DOT1L: variants seen among roughly 807,000 people sequenced by gnomAD.
DOT1L encodes the protein histone-lysine N-methyltransferase, H3 lysine-79 specific.
In DOT1L, 33 loss-of-function variants were observed where a neutral mutation model predicts 153.3. That is an observed-to-expected ratio of 0.22 (90% confidence interval 0.16 to 0.29). The LOEUF is 0.29. Ranked by LOEUF, DOT1L falls within the 10% of genes least tolerant of loss-of-function variation. The pLI, the probability that DOT1L is intolerant of heterozygous loss-of-function variation, is 1.00. For synonymous variants in DOT1L, 1,135 were observed against 965.1 expected (o/e 1.18, Z -3.26); for missense variants, 1,847 against 2,119.9 (o/e 0.87, Z 2.53).
rs1599595885 is a variant in DOT1L, at chr19:2,211,936, G to A, written c.1557+94G>A. 7 of 1,224,508 alleles carry A rather than the reference G, an allele frequency of 5.7e-6. No homozygotes were observed. The East Asian group carries it at 1.8e-4, about 32-fold the overall frequency. 75.9% of individuals were successfully genotyped at this position (1,224,508 alleles called of 1,614,324 possible). A position where few individuals can be genotyped will look rare whatever the true frequency, so the allele number is the denominator to read the frequency against. ...TGTCCCCTGTGGCAGAGGCCCTGGA[G>A]CGCAGGCCTGAGTGGGCTCCCTCCT... On this transcript the variant is annotated intron_variant, in intron 16 of 27. Transcript: ENST00000398665.
intron 27 of DOT1L, 121 bp downstream of exon 27, chr19:2,227,248 G>A: frequency 7.8e-7 from 1 of 1,281,056 alleles, no homozygotes; most frequent in Non-Finnish European, 1.1e-6. Context: ...CCTGGTGCCG[G>A]CCGGCCCCCG....
At chr19:2,205,320 C>T (rs527600323) in intron 9 of DOT1L, among the ~76,000 whole-genome samples, 2 of 152,236 alleles carry the variant, frequency 1.3e-5, no homozygotes, top group South Asian at 2.1e-4. Context: ...AAACAGAAGG[C>T]TCTGTTTCTC....
chr19:2,207,592 G>A lies in DOT1L; in HGVS notation c.875G>A (p.Arg292His), dbSNP rs2144814862. The A allele has an allele frequency of 1.2e-6, 2 of 1,611,430 alleles. No individual in the cohort carries two copies. Among genetic ancestry groups the A allele is most frequent in the Non-Finnish European group, 1.7e-6 (2 of 1,179,648 alleles). ...CCTGCAGACATCGGCACCATCATGC[G>A]CGTGGTGGAGCTCTCGCCCCTGAAG... ...RNLSDIGTIM[R>H]VVELSPLKGS... The change falls in exon 11 of 28, where the codon CGC (arginine) becomes CAC (histidine). Residue 292 changes from arginine (R) to histidine (H), a missense_variant. By Grantham distance (29) the Arg-to-His change is conservative (BLOSUM62 0). This residue lies in a region of DOT1L where 148 missense variants were observed against 422.3 expected (regional missense o/e 0.35). Coordinates refer to ENST00000398665, the MANE Select transcript of DOT1L (RefSeq NM_032482.3). This position sits in a 1 kb window ranked among gnomAD's most constrained non-coding sequence, Gnocchi z 4.5.
chr19:2,166,613 G>C (rs1236355509), intron 1 of DOT1L, among the ~76,000 whole-genome samples: 2 of 151,846 alleles, frequency 1.3e-5, no homozygotes, highest in Admixed American at 6.6e-5. Flanking sequence ...GTTTCTTCAT[G>C]TTGGCTAGGC....
chr19:2,221,578 C>T (rs2024115321), intron 23 of DOT1L: 1 of 213,114 alleles, frequency 4.7e-6, no homozygotes, highest in Non-Finnish European at 9.3e-6. Flanking sequence ...GCTGAGTTGT[C>T]TTCTGAGAAC....
At chr19:2,194,036 C>T (rs569639162) in intron 6 of DOT1L, among the ~76,000 whole-genome samples, 2 of 152,350 alleles carry the variant, frequency 1.3e-5, no homozygotes, top group Admixed American at 1.3e-4. Context: ...TTTCATGGCA[C>T]GTGCCACTAG....
chr19:2,228,076 C>G (rs1350060243), intron 27 of DOT1L: 3 of 1,328,952 alleles, frequency 2.3e-6, no homozygotes, highest in Non-Finnish European at 3.0e-6. Context: ...AGCCTCGCGT[C>G]CCTCCCGCCT....
At chr19:2,211,909 T>C in intron 16 of DOT1L, 67 bp downstream of exon 16, 1 of 1,450,142 alleles carries the variant, frequency 6.9e-7, no homozygotes, top group South Asian at 1.3e-5. Context: ...TTCCTGGGCA[T>C]CTGTCCCCTG....
intron 22 of DOT1L, among the ~76,000 whole-genome samples, chr19:2,218,465 C>T (rs943219171): frequency 2.0e-5 from 3 of 151,968 alleles, no homozygotes; most frequent in Non-Finnish European, 4.4e-5. Context: ...GCGATCTCGG[C>T]TCACTGCAAG....
intron 12 of DOT1L, 51 bp downstream of exon 12, chr19:2,209,027 T>C (rs568869375): frequency 6.3e-7 from 1 of 1,592,822 alleles, no homozygotes; most frequent in Admixed American, 1.7e-5. Context: ...TGCACTGATG[T>C]GGGGAAATGC....
rs375011800 is a variant in DOT1L at position 2,199,711 on chromosome 19, C to G, written c.652-173C>G. ...GCCCGTTCTCTGCGCATCCCTCTCACGGACCCTTCTGCCTGCAGCTCCCAG... is the reference window on the plus strand; with the variant it reads ...GCCCGTTCTCTGCGCATCCCTCTCAGGGACCCTTCTGCCTGCAGCTCCCAG... On this transcript the variant is annotated intron_variant, in intron 7 of 27. Coordinates refer to ENST00000398665, the MANE Select transcript of DOT1L (RefSeq NM_032482.3). 3.7e-4 allele frequency among the ~76,000 whole-genome samples: 57 copies of G among 152,246 alleles called. No homozygotes were observed. In the Middle Eastern group the frequency reaches 0.014, roughly 36 times the overall value.
At chr19:2,167,461 C>T (rs926880720) in intron 1 of DOT1L, among the ~76,000 whole-genome samples, 4 of 152,188 alleles carry the variant, frequency 2.6e-5, no homozygotes. Context: ...CGAGAGCTGG[C>T]GGGAGCGGGC....
Position 2,232,086 on chromosome 19 carries a change from A to G in DOT1L, c.*2294A>G, listed in dbSNP as rs2024624088. 4.7e-6 allele frequency: 1 copy of G among 213,452 alleles called. No individual in the cohort carries two copies. Among genetic ancestry groups the G allele is most frequent in the Non-Finnish European group, 9.5e-6 (1 of 105,654 alleles). 13.2% of individuals were successfully genotyped at this position (213,452 alleles called of 1,614,324 possible). A position where few individuals can be genotyped will look rare whatever the true frequency, so the allele number is the denominator to read the frequency against. Reference sequence around the variant, plus strand: ...GGCAGGGTGGCTGTGGAGACTGGGGATCTGGAGCCTGGTGCTGGCACCTGG... The same window carrying G: ...GGCAGGGTGGCTGTGGAGACTGGGGGTCTGGAGCCTGGTGCTGGCACCTGG... On this transcript the variant is annotated 3_prime_UTR_variant, in exon 28 of 28. Transcript: ENST00000398665.
At position 2,193,780 on chromosome 19, in the gene DOT1L, G is replaced by A. The variant is rs778656827; in HGVS notation, c.585G>A (p.Ala195=). The stretch of plus-strand genomic sequence containing the variant: ...AAGCAGACATCCCGGCCAAGTATGC[G>A]GAGGTGAGCGGATCTGAGGGCCAGG... The part of the protein sequence containing the change: ...VEKADIPAKY[A]ETMDREFRKW... The change falls in exon 6 of 28, where the codon GCG becomes GCA. Residue 195 remains alanine, a synonymous_variant. Transcript: ENST00000398665. This position sits in a 1 kb window ranked among gnomAD's most constrained non-coding sequence, Gnocchi z 5.9. 3 of 1,613,674 alleles carry A rather than the reference G, an allele frequency of 1.9e-6. No homozygotes were observed. The highest frequency in any genetic ancestry group is 1.1e-5 in the South Asian group (1 of 91,074).
In DOT1L at chr19:2,216,750, G is replaced by A. The variant is rs978224665; in HGVS notation, c.2393G>A (p.Ser798Asn). ...ACGGTGCCCGGCAGGCCGGCTGCCA[G>A]TGAGCTGCATTCGAGGTGAGTGCCC... is the stretch of plus-strand genomic sequence containing the variant. ...DHTVPGRPAA[S>N]ELHSRAEHTK... Residue 798 changes from serine to asparagine, a missense_variant, in exon 20 of 28, where the codon AGT (serine) becomes AAT (asparagine). Transcript: ENST00000398665. 2.5e-6 allele frequency: 4 copies of A among 1,593,436 alleles called. No individual in the cohort carries two copies. In the African/African-American group the frequency reaches 5.3e-5, roughly 21 times the overall value.
chr19:2,207,254 G>A lies in DOT1L; in HGVS notation c.857-320G>A, dbSNP rs993428619. Among the ~76,000 whole-genome samples the A allele has an allele frequency of 6.6e-6, 1 of 152,212 alleles. No homozygotes were observed. Among genetic ancestry groups the A allele is most frequent in the Non-Finnish European group, 1.5e-5 (1 of 68,022 alleles). Reference sequence around the variant, plus strand: ...TCCCTGAGGAGCGCCCACCCGGGAGGTGCCTGTGTTGCTGGATGCTGGCCG... The same window carrying A: ...TCCCTGAGGAGCGCCCACCCGGGAGATGCCTGTGTTGCTGGATGCTGGCCG... On this transcript the variant is annotated intron_variant, in intron 10 of 27. Coordinates refer to ENST00000398665, the MANE Select transcript of DOT1L (RefSeq NM_032482.3). The surrounding 1 kb of genome is among the most constrained non-coding windows in gnomAD (Gnocchi z 4.5).
rs1490992370 is a variant in DOT1L, at chr19:2,220,676, A to G, written c.2806+454A>G. The stretch of plus-strand genomic sequence containing the variant: ...TCTCTGCTGTTAGCCCAGTTTCTGC[A>G]GAGAGCCAGAGAGGATGCCACTTTG... On this transcript the variant is annotated intron_variant, in intron 23 of 27. Transcript: ENST00000398665. The surrounding 1 kb of genome is among the most constrained non-coding windows in gnomAD (Gnocchi z 4.5). The G allele has an allele frequency of 2.2e-5, 8 of 371,554 alleles. No individual in the cohort carries two copies. The highest frequency in any genetic ancestry group is 4.2e-5 in the African/African-American group (2 of 47,140). The allele number at this position is 371,554 out of a possible 1,614,324, so 23.0% of individuals were successfully genotyped here.
At chr19:2,214,273 G>A (rs2023822045) in intron 18 of DOT1L, 198 bp from the exon 19 acceptor site, 5 of 930,588 alleles carry the variant, frequency 5.4e-6, no homozygotes, top group Non-Finnish European at 7.8e-6. Context: ...GTGGGTGCTG[G>A]AGCTGCCTCA....
chr19:2,213,935 G>A lies in DOT1L; in HGVS notation c.1746G>A (p.Ser582=), dbSNP rs375661485. 5.6e-6 allele frequency: 9 copies of A among 1,612,892 alleles called. No individual in the cohort carries two copies. The highest frequency in any genetic ancestry group is 4.0e-5 in the African/African-American group (3 of 74,940). Residue 582 remains serine (S), a synonymous_variant, in exon 18 of 28, where the codon TCG becomes TCA. Coordinates refer to ENST00000398665, the MANE Select transcript of DOT1L (RefSeq NM_032482.3). Reference sequence around the variant, plus strand: ...ATAACCAGCAGCTGCGGGAGCAGTCGGAGCAGCTGGAGCAGGACAACCGCG... The same window carrying A: ...ATAACCAGCAGCTGCGGGAGCAGTCAGAGCAGCTGGAGCAGGACAACCGCG... ...SAHNQQLREQ[S]EQLEQDNRAL... is the part of the protein sequence containing the mutation.
Sources: gnomAD v4.1 joint callset for allele counts (sites outside exome capture counted in the v4.1 genomes callset) on GRCh38, gnomAD v4.1.1 for gene constraint, gnomAD v4.1.1 regional missense constraint, Gnocchi (gnomAD v3.1) non-coding constraint, MANE v1.5 for transcripts, NCBI Gene and HGNC (gene_info 2026-07-23, HGNC 2026-07-21) for gene names.